The following ZNF735 variants were observed in gnomAD, a reference collection of about 807,000 sequenced individuals.
ZNF735 encodes putative zinc finger protein 735.
Under a neutral mutation model 13.4 loss-of-function variants are expected in ZNF735, and 11 were observed. That is an observed-to-expected ratio of 0.82 (90% CI 0.52 to 1.36). The LOEUF is 1.36. Among genes scored for constraint, ZNF735 ranks in the 40% most tolerant of loss-of-function variants. ZNF735 has a pLI of 0.00. For missense variants in ZNF735, 500 were observed against 484.6 expected (o/e 1.03, Z -0.30); for synonymous variants, 171 against 162.6 (o/e 1.05, Z -0.39).
At chr7:64,213,351 T>C in intron 2 of ZNF735, 133 bp downstream of exon 2, 1 of 911,262 alleles carries the variant, frequency 1.1e-6, no homozygotes, top group South Asian at 2.0e-5. Context: ...GATTCATTGG[T>C]GTAGATTAAA....
chr7:64,208,618 A>C (rs1411130177), intron 1 of ZNF735, among the ~76,000 whole-genome samples: 1 of 151,328 alleles, frequency 6.6e-6, no homozygotes, highest in Non-Finnish European at 1.5e-5. Flanking sequence ...TTTGTTATAT[A>C]GGTAAAATCA....
intron 2 of ZNF735, among the ~76,000 whole-genome samples, chr7:64,213,489 A>C (rs772776128): frequency 4.6e-5 from 7 of 152,190 alleles, no homozygotes; most frequent in Non-Finnish European, 8.8e-5. Flanking sequence ...CTTAGAATTC[A>C]GTTGTCACCA....
chr7:64,218,904 G>A (rs1787453362), intron 3 of ZNF735, among the ~76,000 whole-genome samples: 1 of 152,152 alleles, frequency 6.6e-6, no homozygotes, highest in Non-Finnish European at 1.5e-5. Context: ...TTACTGGTCA[G>A]TAACCACTTT....
At chr7:64,211,669 G>T (rs570252455) in intron 1 of ZNF735, among the ~76,000 whole-genome samples, 2 of 151,692 alleles carry the variant, frequency 1.3e-5, no homozygotes, top group Admixed American at 6.6e-5. Flanking sequence ...TTCGAGGCCC[G>T]CCTGGCCAAC....
chr7:64,217,327 ACTT>A (rs1787434494), intron 3 of ZNF735, among the ~76,000 whole-genome samples: 1 of 152,208 alleles, frequency 6.6e-6, no homozygotes, highest in Admixed American at 6.5e-5. Flanking sequence ...GCTGGCATAT[ACTT>A]CTTGTACAGT....
intron 1 of ZNF735, 67 bp downstream of exon 1, chr7:64,207,308 C>T (rs372756340): frequency 1.3e-4 from 204 of 1,613,774 alleles, no homozygotes; most frequent in Middle Eastern, 3.3e-4. Flanking sequence ...AAAGTGGCTG[C>T]AGCAGGACCC....
chr7:64,219,351 G>A, exon 4 of ZNF735: 1 of 1,613,700 alleles, frequency 6.2e-7, no homozygotes, highest in South Asian at 1.1e-5. Context: ...TTCAGCCAGA[G>A]CAGAGCATAA....
exon 4 of ZNF735, chr7:64,220,228 C>T (rs1476185131): frequency 6.2e-7 from 1 of 1,612,592 alleles, no homozygotes; most frequent in Non-Finnish European, 8.5e-7. Flanking sequence ...TTTTAAGTGG[C>T]ATTCAAGTCT....
intron 3 of ZNF735, among the ~76,000 whole-genome samples, chr7:64,218,010 G>T (rs1191900671): frequency 2.6e-5 from 4 of 151,822 alleles, no homozygotes; most frequent in African/African-American, 9.7e-5. Flanking sequence ...TTTTGTATAT[G>T]CATATGTTTT....
rs1360348351 is a variant in ZNF735, at chr7:64,212,718, G to A, written c.40-374G>A. Among the ~76,000 whole-genome samples, 11 of 151,442 alleles carry A rather than the reference G, an allele frequency of 7.3e-5. No homozygotes were observed. In the East Asian group the frequency reaches 9.7e-4, roughly 13 times the overall value. On this transcript the variant is annotated intron_variant, in intron 1 of 3. Transcript: ENST00000429565. ...TGAGGCAGGAGAATCGATTGAACCC[G>A]AGGCGGAGGTTGCACTGAGCCAAGA...
At position 64,211,527 on chromosome 7, in the gene ZNF735, G is replaced by A. The variant is rs115095893; in HGVS notation, c.40-1565G>A. ...CTATTAAAAATTACACAACAGGGAAGTTATCTGTACCTTCAACTTTGCATA... is the reference window on the plus strand; with the variant it reads ...CTATTAAAAATTACACAACAGGGAAATTATCTGTACCTTCAACTTTGCATA... On this transcript the variant is annotated intron_variant, in intron 1 of 3. Coordinates refer to ENST00000429565, the Ensembl canonical transcript of ZNF735. Among the ~76,000 whole-genome samples, 1,297 of 152,200 alleles carry A rather than the reference G, an allele frequency of 8.5e-3. 15 individuals carry two copies. The highest frequency in any genetic ancestry group is 0.027 in the African/African-American group (1,118 of 41,526).
Position 64,213,091 on chromosome 7 carries a change from G to A in ZNF735, c.40-1G>A, listed in dbSNP as rs755044812. ...ATGAGGTTTTTCTTTTTTTTTTTCA[G>A]GGACTGTTGACATTCAGAGACATAG... On this transcript the variant is annotated splice_acceptor_variant, in intron 1 of 3. Coordinates refer to ENST00000429565, the Ensembl canonical transcript of ZNF735. LOFTEE classifies it high-confidence loss of function. 3 of 1,606,836 alleles carry A rather than the reference G, an allele frequency of 1.9e-6. No individual in the cohort carries two copies. Among genetic ancestry groups the A allele is most frequent in the Non-Finnish European group, 2.5e-6 (3 of 1,177,340 alleles).
intron 1 of ZNF735, among the ~76,000 whole-genome samples, chr7:64,209,399 T>A (rs1023426152): frequency 6.6e-6 from 1 of 151,378 alleles, no homozygotes; most frequent in Non-Finnish European, 1.5e-5. Context: ...CAGGCTGGAG[T>A]GCAGTGGCGT....
chr7:64,207,898 A>C (rs1787308207), intron 1 of ZNF735, among the ~76,000 whole-genome samples: 1 of 151,938 alleles, frequency 6.6e-6, no homozygotes, highest in East Asian at 1.9e-4. Context: ...GAGACAGGAG[A>C]ATCACCTGAA....
At chr7:64,214,174 C>A (rs1787393116) in intron 3 of ZNF735, 66 bp downstream of exon 3, 1 of 1,519,598 alleles carries the variant, frequency 6.6e-7, no homozygotes, top group Non-Finnish European at 8.9e-7. Flanking sequence ...GGTAGCCAGT[C>A]TTTAAAATGT....
intron 1 of ZNF735, among the ~76,000 whole-genome samples, chr7:64,210,566 G>A (rs1787344910): frequency 6.6e-6 from 1 of 152,172 alleles, no homozygotes; most frequent in Middle Eastern, 3.2e-3. Flanking sequence ...ATACATTCAG[G>A]AGAGTTTAGT....
At position 64,211,743 on chromosome 7, in the gene ZNF735, G is replaced by A. The variant is rs376793443; in HGVS notation, c.40-1349G>A. ...TAGCCAAGTGTAGTGCCATGCGCCT[G>A]TAATCCCAGCTACTTGGGAGGTTGA... On this transcript the variant is annotated intron_variant, in intron 1 of 3. Transcript: ENST00000429565. Among the ~76,000 whole-genome samples, 23 of 151,814 alleles carry A rather than the reference G, an allele frequency of 1.5e-4. No homozygotes were observed. In the East Asian group the frequency reaches 2.3e-3, roughly 15 times the overall value.
chr7:64,211,907 ATT>A (rs1277629388), intron 1 of ZNF735, among the ~76,000 whole-genome samples: 3 of 140,634 alleles, frequency 2.1e-5, no homozygotes, highest in Admixed American at 7.1e-5. Context: ...ATATATATAT[ATT>A]TATTTATTTA....
chr7:64,209,683 G>C (rs1485860414), intron 1 of ZNF735, among the ~76,000 whole-genome samples: 1 of 151,950 alleles, frequency 6.6e-6, no homozygotes, highest in Non-Finnish European at 1.5e-5. Flanking sequence ...TCTGATTTTG[G>C]TTATTTCTTG....
Sources: allele counts gnomAD v4.1 joint callset (sites outside exome capture counted in the v4.1 genomes callset), GRCh38; gene constraint gnomAD v4.1.1; transcripts MANE v1.5; gene names NCBI Gene and HGNC (gene_info 2026-07-23, HGNC 2026-07-21).